ACOXL: variants seen among roughly 807,000 people sequenced by gnomAD.
ACOXL encodes acyl-coenzyme A oxidase-like protein.
A neutral mutation model predicts 71.9 loss-of-function variants in ACOXL; 70 were observed. The observed-to-expected ratio is 0.97, with a 90% CI of 0.80 to 1.19. ACOXL has a LOEUF of 1.19. ACOXL is among the 50% of genes most tolerant of loss of function. The pLI is 0.00. For synonymous variants in ACOXL, 253 were observed against 281.6 expected (o/e 0.90, Z 1.02); for missense variants, 703 against 736.3 (o/e 0.95, Z 0.52).
chr2:110,925,753 T>G (rs1411029703), intron 11 of ACOXL, among the ~76,000 whole-genome samples: 1 of 152,186 alleles, frequency 6.6e-6, no homozygotes, highest in Non-Finnish European at 1.5e-5. Flanking sequence ...GAACTTTTCC[T>G]TTGCATTCAC....
At chr2:110,782,846 C>T (rs1683507551) in intron 2 of ACOXL, among the ~76,000 whole-genome samples, 3 of 152,164 alleles carry the variant, frequency 2.0e-5, no homozygotes, top group African/African-American at 7.2e-5. Flanking sequence ...ACAGAGCTGG[C>T]ATCAAGGAAG....
intron 12 of ACOXL, among the ~76,000 whole-genome samples, chr2:110,941,355 A>ACAATATATG (rs2060861553): frequency 6.6e-6 from 1 of 152,204 alleles, no homozygotes; most frequent in Non-Finnish European, 1.5e-5. Context: ...CAAAAAATGG[A>ACAATATATG]CAATATATGT....
intron 1 of ACOXL, among the ~76,000 whole-genome samples, chr2:110,765,315 T>G (rs1181720203): frequency 1.3e-5 from 2 of 152,244 alleles, no homozygotes. Flanking sequence ...GTAGGTTTAT[T>G]ATGTCTTTTA....
At chr2:110,905,206 G>T (rs1017616549) in intron 10 of ACOXL, among the ~76,000 whole-genome samples, 1 of 152,072 alleles carries the variant, frequency 6.6e-6, no homozygotes, top group South Asian at 2.1e-4. Flanking sequence ...TTTTGAAGGG[G>T]TGTGCCAAGG....
At chr2:110,923,624 G>A (rs1279040756) in intron 11 of ACOXL, among the ~76,000 whole-genome samples, 2 of 152,136 alleles carry the variant, frequency 1.3e-5, no homozygotes, top group African/African-American at 4.8e-5. Context: ...TTCTGGATGT[G>A]CATTCCCTTA....
At chr2:111,038,510 T>C (rs1558898692) in intron 15 of ACOXL, among the ~76,000 whole-genome samples, 1 of 152,246 alleles carries the variant, frequency 6.6e-6, no homozygotes, top group Non-Finnish European at 1.5e-5. Flanking sequence ...TCATTTAACT[T>C]CTAATATCTA....
intron 10 of ACOXL, among the ~76,000 whole-genome samples, chr2:110,857,799 C>T (rs1693447530): frequency 6.6e-6 from 1 of 152,040 alleles, no homozygotes; most frequent in Non-Finnish European, 1.5e-5. Context: ...GATCTCGGCT[C>T]ACTGCAACCT....
chr2:110,741,284 C>A (rs1677500919), intron 1 of ACOXL, among the ~76,000 whole-genome samples: 1 of 152,120 alleles, frequency 6.6e-6, no homozygotes, highest in African/African-American at 2.4e-5. Flanking sequence ...GGCTGAGAAT[C>A]CAAGATCAAG....
chr2:111,014,849 G>C (rs1450390244), intron 14 of ACOXL, among the ~76,000 whole-genome samples: 4 of 152,108 alleles, frequency 2.6e-5, no homozygotes, highest in African/African-American at 2.4e-5. Flanking sequence ...TTTGACAAAG[G>C]TATGAAGGAA....
intron 13 of ACOXL, among the ~76,000 whole-genome samples, chr2:110,988,120 T>G (rs1380748024): frequency 6.6e-6 from 1 of 152,230 alleles, no homozygotes; most frequent in Non-Finnish European, 1.5e-5. Flanking sequence ...AAATTTTATT[T>G]TTAAAGAATA....
At chr2:110,779,351 C>A (rs1683050998) in intron 2 of ACOXL, among the ~76,000 whole-genome samples, 1 of 152,178 alleles carries the variant, frequency 6.6e-6, no homozygotes, top group Admixed American at 6.5e-5. Flanking sequence ...GTTAGATTTT[C>A]TTGCAGTGGT....
intron 10 of ACOXL, among the ~76,000 whole-genome samples, chr2:110,860,705 G>C (rs895073492): frequency 1.3e-5 from 2 of 152,310 alleles, no homozygotes; most frequent in South Asian, 4.1e-4. Flanking sequence ...ACTCTATCCA[G>C]ATCTTCAGTG....
chr2:110,974,773 G>A (rs1313304447), intron 12 of ACOXL, among the ~76,000 whole-genome samples: 1 of 152,198 alleles, frequency 6.6e-6, no homozygotes, highest in African/African-American at 2.4e-5. Flanking sequence ...CTGCTGACGG[G>A]AAGCCTGGTA....
At chr2:111,045,163 A>G (rs1411890262) in intron 15 of ACOXL, among the ~76,000 whole-genome samples, 1 of 152,196 alleles carries the variant, frequency 6.6e-6, no homozygotes, top group East Asian at 1.9e-4. Flanking sequence ...TGCCCCAGGG[A>G]GACTTTGCAT....
intron 10 of ACOXL, among the ~76,000 whole-genome samples, chr2:110,889,613 T>A (rs1393167131): frequency 6.6e-6 from 1 of 152,222 alleles, no homozygotes; most frequent in Non-Finnish European, 1.5e-5. Context: ...TTGGAACTGA[T>A]GTCATTCACT....
At chr2:110,857,986 A>G (rs888150896) in intron 10 of ACOXL, among the ~76,000 whole-genome samples, 1 of 152,140 alleles carries the variant, frequency 6.6e-6, no homozygotes, top group African/African-American at 2.4e-5. Context: ...TCGGCCTCCC[A>G]AAGTGCTGGG....
chr2:111,044,023 TACA>T (rs2065904294), intron 15 of ACOXL, among the ~76,000 whole-genome samples: 2 of 152,268 alleles, frequency 1.3e-5, no homozygotes, highest in Admixed American at 6.5e-5. Flanking sequence ...AAAGCAAGCT[TACA>T]ACATGTTGAA....
intron 1 of ACOXL, among the ~76,000 whole-genome samples, chr2:110,750,604 T>C (rs970399851): frequency 6.1e-5 from 9 of 148,678 alleles, no homozygotes; most frequent in Non-Finnish European, 1.2e-4. Context: ...ATATTATACA[T>C]ATTATATATA....
chr2:110,892,365 G>A (rs1490121249), intron 10 of ACOXL, among the ~76,000 whole-genome samples: 1 of 152,142 alleles, frequency 6.6e-6, no homozygotes, highest in African/African-American at 2.4e-5. Context: ...TGTGGCTGAG[G>A]GGTAGCAAAC....
Sources: allele counts gnomAD v4.1 joint callset (sites outside exome capture counted in the v4.1 genomes callset), GRCh38; gene constraint gnomAD v4.1.1; transcripts MANE v1.5; gene names NCBI Gene and HGNC (gene_info 2026-07-23, HGNC 2026-07-21).